FAM78B: variants seen among roughly 807,000 people sequenced by gnomAD.
FAM78B encodes family with sequence similarity 78 member B, also known as protein FAM78B.
FAM78B carries 10 observed loss-of-function variants against 20.0 expected under a neutral mutation model. That is an observed-to-expected ratio of 0.50 (90% CI 0.31 to 0.85). The LOEUF (loss-of-function observed/expected upper bound fraction) is 0.85. Among genes scored for constraint, FAM78B ranks in the 40% least tolerant of loss-of-function variants. The probability of loss-of-function intolerance (pLI) is 0.05; values close to 1 mark genes in which losing one functional copy is unlikely to be tolerated. For synonymous variants in FAM78B, 135 were observed against 132.8 expected, an observed-to-expected ratio of 1.02 and a Z score of -0.12; for missense variants, 283 against 345.0, an observed-to-expected ratio of 0.82 and a Z score of 1.42.
chr1:166,137,332 A>T (rs1655104318), intron 1 of FAM78B, among the ~76,000 whole-genome samples: 1 of 152,224 alleles, frequency 6.6e-6, no homozygotes, highest in Non-Finnish European at 1.5e-5. Context: ...CATGCAAAGG[A>T]CTGAAAGGAC....
chr1:166,123,440 G>A (rs1266227495), intron 1 of FAM78B, among the ~76,000 whole-genome samples: 2 of 152,236 alleles, frequency 1.3e-5, no homozygotes, highest in Non-Finnish European at 2.9e-5. Context: ...AAAGATGACA[G>A]CCCTTCACTG....
chr1:166,115,281 G>C (rs923336834), intron 1 of FAM78B, among the ~76,000 whole-genome samples: 10 of 152,248 alleles, frequency 6.6e-5, no homozygotes, highest in African/African-American at 2.2e-4. Flanking sequence ...AGAAGGCAGA[G>C]ATGGCCTCTT....
chr1:166,098,477 A>G (rs1653374382), intron 1 of FAM78B, among the ~76,000 whole-genome samples: 1 of 152,148 alleles, frequency 6.6e-6, no homozygotes, highest in African/African-American at 2.4e-5. Flanking sequence ...GCCCAGTGCA[A>G]GGAAATCCAA....
At chr1:166,156,544 T>C (rs527530225) in intron 1 of FAM78B, among the ~76,000 whole-genome samples, 1 of 152,322 alleles carries the variant, frequency 6.6e-6, no homozygotes, top group African/African-American at 2.4e-5. Context: ...TTAATCTCCT[T>C]AGGCCTCAGC....
Position 166,070,579 on chromosome 1 carries a change from C to T in FAM78B, c.448G>A (p.Val150Met). 6.2e-7 allele frequency: 1 copy of T among 1,613,772 alleles called. No individual in the cohort carries two copies. Among genetic ancestry groups the T allele is most frequent in the Non-Finnish European group, 8.5e-7 (1 of 1,179,946 alleles). ...DNFYPSVTWAVPVSDSNVPLL... is the reference protein window; with the variant it reads ...DNFYPSVTWAMPVSDSNVPLL... ...GGCACATTGCTGTCACTCACAGGCA[C>T]TGCCCATGTCACACTGGGGTAGAAG... Residue 150 changes from valine (V) to methionine (M), a missense_variant, in exon 2 of 2, where the codon GTG becomes ATG. Physicochemically the swap from Val to Met is conservative, Grantham distance 21 (BLOSUM62 1). Coordinates refer to ENST00000354422, the MANE Select transcript of FAM78B (RefSeq NM_001017961.5).
At chr1:166,152,298 C>T (rs1655702910) in intron 1 of FAM78B, among the ~76,000 whole-genome samples, 1 of 152,210 alleles carries the variant, frequency 6.6e-6, no homozygotes, top group Admixed American at 6.5e-5. Context: ...GGAGCAGCTG[C>T]TAACCTTGCC....
At position 166,151,230 on chromosome 1, in the gene FAM78B, T is replaced by TCCA. The variant is rs1655665041; in HGVS notation, c.263+14753_263+14755dup. The stretch of plus-strand genomic sequence containing the variant: ...CAATGAAGACAATCTGACTGTCTCG[T>TCCA]CCACTTCTTTCTCTCTGGTTACTCT... On this transcript the variant is annotated intron_variant, in intron 1 of 1. Coordinates refer to ENST00000354422, the MANE Select transcript of FAM78B (RefSeq NM_001017961.5). 3.9e-5 allele frequency among the ~76,000 whole-genome samples: 6 copies of TCCA among 152,360 alleles called. No homozygotes were observed. The South Asian group carries it at 1.2e-3, about 32-fold the overall frequency.
At chr1:166,136,898 T>C (rs546238073) in intron 1 of FAM78B, among the ~76,000 whole-genome samples, 1 of 152,294 alleles carries the variant, frequency 6.6e-6, no homozygotes, top group Admixed American at 6.5e-5. Context: ...TGGCACACAG[T>C]TGTCAAGCAC....
At chr1:166,148,858 C>T (rs1029038977) in intron 1 of FAM78B, among the ~76,000 whole-genome samples, 3 of 152,246 alleles carry the variant, frequency 2.0e-5, no homozygotes, top group Admixed American at 2.0e-4. Flanking sequence ...ATTACATTCA[C>T]TGTTCAATTC....
intron 1 of FAM78B, among the ~76,000 whole-genome samples, chr1:166,128,641 T>C (rs1654730622): frequency 6.6e-6 from 1 of 152,156 alleles, no homozygotes; most frequent in Non-Finnish European, 1.5e-5. Flanking sequence ...ACTGCTAACA[T>C]TCACAAGCTG....
At chr1:166,060,314 C>T (rs1571119689) in exon 3 of FAM78B, 1 of 310,044 alleles carries the variant, frequency 3.2e-6, no homozygotes, top group Non-Finnish European at 6.3e-6. Flanking sequence ...CCCTAGGAGG[C>T]TTCACTTTGA....
chr1:166,166,799 C>T lies in FAM78B; in HGVS notation c.-551G>A, dbSNP rs1656420092. 12 of 151,322 alleles carry T rather than the reference C, an allele frequency of 7.9e-5. No individual in the cohort carries two copies. In the South Asian group the frequency reaches 2.1e-3, roughly 27 times the overall value. The allele number at this position is 151,322 out of a possible 1,614,324, so 9.4% of individuals were successfully genotyped here. A position where few individuals can be genotyped will look rare whatever the true frequency, so the allele number is the denominator to read the frequency against. On this transcript the variant is annotated 5_prime_UTR_variant, in exon 1 of 2. Transcript: ENST00000354422. The stretch of plus-strand genomic sequence containing the variant: ...ACCCAGCGGCGGGCGAGCGGGCGGC[C>T]CAAGAGGCAGGCGGAGGCAGCAGCG...
At chr1:166,057,995 C>G (rs189839121) in exon 3 of FAM78B, 1 of 151,268 alleles carries the variant, frequency 6.6e-6, no homozygotes, top group African/African-American at 2.4e-5. Flanking sequence ...AAGATAGGGC[C>G]AATGCAAGGG....
chr1:166,157,858 G>A (rs1249686719), intron 1 of FAM78B, among the ~76,000 whole-genome samples: 2 of 152,144 alleles, frequency 1.3e-5, no homozygotes, highest in Non-Finnish European at 2.9e-5. Context: ...CTTGCAGCCC[G>A]AGAACTGAGG....
chr1:166,133,973 C>T (rs139001202), intron 1 of FAM78B, among the ~76,000 whole-genome samples: 3 of 152,202 alleles, frequency 2.0e-5, no homozygotes. Context: ...ATTTTACCAA[C>T]GGGAGACTGA....
intron 1 of FAM78B, among the ~76,000 whole-genome samples, chr1:166,100,404 C>A (rs908624805): frequency 6.6e-6 from 1 of 152,200 alleles, no homozygotes; most frequent in Non-Finnish European, 1.5e-5. Flanking sequence ...CATTGCCTCA[C>A]CCAGGAAGTG....
chr1:166,155,582 G>A (rs547964694), intron 1 of FAM78B, among the ~76,000 whole-genome samples: 2 of 152,270 alleles, frequency 1.3e-5, no homozygotes, highest in African/African-American at 4.8e-5. Flanking sequence ...GGTTCTGAAC[G>A]TCAAGAAAAT....
chr1:166,114,314 T>C (rs1571175380), intron 1 of FAM78B, among the ~76,000 whole-genome samples: 1 of 152,190 alleles, frequency 6.6e-6, no homozygotes, highest in Admixed American at 6.5e-5. Flanking sequence ...TGGGTCATAG[T>C]TATTAAATGA....
chr1:166,148,279 G>A (rs1243495382), intron 1 of FAM78B, among the ~76,000 whole-genome samples: 1 of 152,206 alleles, frequency 6.6e-6, no homozygotes, highest in African/African-American at 2.4e-5. Flanking sequence ...TTTTGCCATG[G>A]TATGTTCAAA....
Sources: gnomAD v4.1 joint callset for allele counts (sites outside exome capture counted in the v4.1 genomes callset) on GRCh38, gnomAD v4.1.1 for gene constraint, MANE v1.5 for transcripts, NCBI Gene and HGNC (gene_info 2026-07-23, HGNC 2026-07-21) for gene names.